C3orf22: variants seen among roughly 807,000 people sequenced by gnomAD.
The protein encoded by C3orf22 is chromosome 3 open reading frame 22, also known as uncharacterized protein C3orf22.
In C3orf22, 7 loss-of-function variants were observed where a neutral mutation model predicts 10.8. The ratio of observed to expected loss-of-function variants is 0.65; its 90% CI spans 0.37 to 1.22. The LOEUF (loss-of-function observed/expected upper bound fraction) is 1.22. C3orf22 is among the 50% of genes most tolerant of loss of function. The pLI is 0.02. For missense variants in C3orf22, 173 were observed against 177.0 expected (o/e 0.98, Z 0.13); for synonymous variants, 79 against 78.9 (o/e 1.00, Z 0.00).
intron 4 of C3orf22, among the ~76,000 whole-genome samples, chr3:126,535,266 G>T (rs1936755499): frequency 6.7e-6 from 1 of 149,416 alleles, no homozygotes; most frequent in South Asian, 2.1e-4. Context: ...CAGACAGACA[G>T]CATCACTGTC....
intron 4 of C3orf22, chr3:126,542,726 C>T (rs1936998855): frequency 3.9e-5 from 48 of 1,238,490 alleles, no homozygotes; most frequent in Non-Finnish European, 4.8e-5. Flanking sequence ...CAGGGCACAC[C>T]TGGCCAGGCT....
intron 1 of C3orf22, among the ~76,000 whole-genome samples, chr3:126,556,715 C>T (rs1937341520): frequency 1.3e-5 from 2 of 151,752 alleles, no homozygotes; most frequent in Non-Finnish European, 2.9e-5. Context: ...CTCACACAGA[C>T]TGACCCCACA....
At chr3:126,551,043 A>G (rs1469213698) in intron 3 of C3orf22, among the ~76,000 whole-genome samples, 1 of 152,248 alleles carries the variant, frequency 6.6e-6, no homozygotes, top group Non-Finnish European at 1.5e-5. Context: ...CCTGTAGCCG[A>G]ACTACGGGGA....
At chr3:126,539,245 C>T (rs893884853) in intron 4 of C3orf22, among the ~76,000 whole-genome samples, 8 of 152,104 alleles carry the variant, frequency 5.3e-5, no homozygotes, top group Admixed American at 6.5e-5. Flanking sequence ...TATGTCTGAA[C>T]GTATCTCTAA....
At chr3:126,532,416 G>A (rs1001852940) in intron 4 of C3orf22, among the ~76,000 whole-genome samples, 1 of 152,084 alleles carries the variant, frequency 6.6e-6, no homozygotes, top group African/African-American at 2.4e-5. Context: ...AATGTTTGGG[G>A]CTATGATCCA....
intron 2 of C3orf22, 37 bp from the exon 3 acceptor site, chr3:126,552,159 C>T (rs2107581613): frequency 1.2e-6 from 2 of 1,612,638 alleles, no homozygotes; most frequent in East Asian, 2.2e-5. Flanking sequence ...TGGCCACCAT[C>T]CACCAGCCTC....
At chr3:126,546,875 A>C (rs1937078430), downstream of C3orf22, among the ~76,000 whole-genome samples, 1 of 152,092 alleles carries the variant, frequency 6.6e-6, no homozygotes, top group Admixed American at 6.5e-5. Context: ...CTCACACTCC[A>C]TCCTTGCCTC....
downstream of C3orf22, among the ~76,000 whole-genome samples, chr3:126,548,388 C>A (rs12490724): frequency 0.77 from 117,568 of 152,202 alleles, 46,672 homozygotes; most frequent in East Asian, 0.87. Context: ...GGGGAAGGAG[C>A]ACCCAGCAGG....
intron 4 of C3orf22, among the ~76,000 whole-genome samples, chr3:126,538,482 T>C (rs549244218): frequency 6.6e-6 from 1 of 152,332 alleles, no homozygotes; most frequent in South Asian, 2.1e-4. Context: ...CCGGACCCAG[T>C]GCTTCAGCAA....
exon 6 of C3orf22, chr3:126,527,029 A>G (rs1469029664): frequency 6.6e-6 from 1 of 152,214 alleles, no homozygotes; most frequent in African/African-American, 2.4e-5. Context: ...ATGAAAACCC[A>G]AGATCTCAGC....
chr3:126,553,910 C>T (rs1223502520), intron 1 of C3orf22, among the ~76,000 whole-genome samples: 1 of 152,214 alleles, frequency 6.6e-6, no homozygotes, highest in Non-Finnish European at 1.5e-5. Flanking sequence ...CAGCTTGGGG[C>T]ACTTACAAAG....
intron 4 of C3orf22, among the ~76,000 whole-genome samples, chr3:126,539,895 CAT>C (rs1936912272): frequency 1.4e-3 from 1 of 714 alleles, no homozygotes; most frequent in East Asian, 0.033. Context: ...ACACACCACA[CAT>C]ACACCATACA....
intron 4 of C3orf22, among the ~76,000 whole-genome samples, chr3:126,544,425 A>G (rs545636743): frequency 6.4e-4 from 98 of 152,354 alleles, no homozygotes; most frequent in African/African-American, 2.2e-3. Flanking sequence ...GGACTAAGGT[A>G]CTGGGCCAGA....
chr3:126,554,144 AGCTGGGAGCACAGGCATGTG>A (rs1937268537), intron 1 of C3orf22, among the ~76,000 whole-genome samples: 1 of 152,116 alleles, frequency 6.6e-6, no homozygotes, highest in Non-Finnish European at 1.5e-5. Flanking sequence ...CCTCCCGAGT[AGCTGGGAGCACAGGCATGTG>A]CTACCATGCC....
At chr3:126,541,752 C>T (rs1209497546) in intron 4 of C3orf22, 1 of 1,497,854 alleles carries the variant, frequency 6.7e-7, no homozygotes, top group Non-Finnish European at 8.9e-7. Flanking sequence ...TCGACCCTGG[C>T]GAAGGTGCAC....
chr3:126,542,767 C>G (rs1936999775), intron 4 of C3orf22: 2 of 809,488 alleles, frequency 2.5e-6, no homozygotes, highest in South Asian at 6.7e-5. Flanking sequence ...TGGCCCTGCA[C>G]GCGTGTGCCT....
At chr3:126,540,726 A>T (rs1417736950) in intron 4 of C3orf22, among the ~76,000 whole-genome samples, 1 of 152,176 alleles carries the variant, frequency 6.6e-6, no homozygotes, top group Non-Finnish European at 1.5e-5. Flanking sequence ...TTCTCTTGAG[A>T]ATATGCCTAG....
Position 126,536,303 on chromosome 3 carries a change from C to T in C3orf22, c.287-6931G>A, listed in dbSNP as rs563070610. ...AAACAGAGCCCTGGGCTCCAGCTGG[C>T]TTGGTGGGGAGAAGAGAAGCCCCCT... is the stretch of plus-strand genomic sequence containing the variant. On this transcript the variant is annotated intron_variant and NMD_transcript_variant, in intron 4 of 5. Transcript: ENST00000505070. 1.5e-3 allele frequency: 2,396 copies of T among 1,613,980 alleles called. 53 individuals are homozygous for T. In the South Asian group the frequency reaches 0.025, roughly 17 times the overall value.
intron 3 of C3orf22, 115 bp downstream of exon 3, chr3:126,551,882 A>G (rs1937195179): frequency 8.5e-7 from 1 of 1,181,216 alleles, no homozygotes; most frequent in African/African-American, 1.6e-5. Flanking sequence ...CCTCAGCTTT[A>G]AAGTGGCGCG....
Sources: allele counts gnomAD v4.1 joint callset (sites outside exome capture counted in the v4.1 genomes callset), GRCh38; gene constraint gnomAD v4.1.1; transcripts MANE v1.5; gene names NCBI Gene and HGNC (gene_info 2026-07-23, HGNC 2026-07-21).